Variants in SORBS2 observed in about 807,000 individuals in gnomAD.
The protein encoded by SORBS2 is sorbin and SH3 domain containing 2.
A neutral mutation model predicts 97.7 loss-of-function variants in SORBS2; 46 were observed. The ratio of observed to expected loss-of-function variants is 0.47; its 90% confidence interval spans 0.37 to 0.60. The LOEUF is 0.60. SORBS2 is among the 20% of genes least tolerant of loss of function. The pLI is 0.00. For synonymous variants in SORBS2, 476 were observed against 473.4 expected, an observed-to-expected ratio of 1.01 and a Z score of -0.07; for missense variants, 1,316 against 1,282.3, an observed-to-expected ratio of 1.03 and a Z score of -0.40.
rs1296954767 is a variant in SORBS2 at position 185,670,871 on chromosome 4, C to G, written c.-46+7552G>C. Among the ~76,000 whole-genome samples the G allele has an allele frequency of 5.9e-5, 9 of 152,262 alleles. 1 individual carries two copies. The highest frequency in any genetic ancestry group is 2.9e-5 in the Non-Finnish European group (2 of 68,022). ...GGGGGAGTAACTGGACTATGCTGGGCCAGTGGGGCCCTGCCTCCCTCCTGG... is the reference window on the plus strand; with the variant it reads ...GGGGGAGTAACTGGACTATGCTGGGGCAGTGGGGCCCTGCCTCCCTCCTGG... On this transcript the variant is annotated intron_variant, in intron 4 of 20. Coordinates refer to the SORBS2 transcript ENST00000284776.
At chr4:185,707,267 T>C (rs1290813697) in intron 2 of SORBS2, among the ~76,000 whole-genome samples, 2 of 152,132 alleles carry the variant, frequency 1.3e-5, no homozygotes, top group African/African-American at 4.8e-5. Flanking sequence ...AGCTATTAAG[T>C]AGTGAGTGAA....
exon 15 of SORBS2, chr4:185,587,600 G>A: frequency 6.2e-7 from 1 of 1,607,436 alleles, no homozygotes. Context: ...GCTGGCAGGC[G>A]GCCTCTACAG....
chr4:185,604,196 T>C (rs2096350640), intron 12 of SORBS2, among the ~76,000 whole-genome samples: 1 of 152,250 alleles, frequency 6.6e-6, no homozygotes, highest in Non-Finnish European at 1.5e-5. Flanking sequence ...AATGTTTGGA[T>C]AGAGGCCACG....
chr4:185,843,391 T>A (rs1339595577), intron 1 of SORBS2, among the ~76,000 whole-genome samples: 2 of 151,916 alleles, frequency 1.3e-5, no homozygotes, highest in Non-Finnish European at 2.9e-5. Context: ...ATATATAGAA[T>A]AAAAGAGAAA....
chr4:185,661,012 T>C (rs886422140), upstream of SORBS2, among the ~76,000 whole-genome samples: 16 of 152,170 alleles, frequency 1.1e-4, no homozygotes, highest in African/African-American at 3.9e-4. Flanking sequence ...CGGTGGCTCA[T>C]GCCTGTAATC....
chr4:185,839,869 A>G (rs1483312495), intron 1 of SORBS2, among the ~76,000 whole-genome samples: 2 of 152,212 alleles, frequency 1.3e-5, no homozygotes, highest in Non-Finnish European at 2.9e-5. Flanking sequence ...ATGGAGTCAT[A>G]AACACAGGGC....
chr4:185,745,025 A>G (rs1473810200), intron 2 of SORBS2, among the ~76,000 whole-genome samples: 3 of 152,180 alleles, frequency 2.0e-5, no homozygotes, highest in South Asian at 2.1e-4. Flanking sequence ...GGGTAAAGAA[A>G]ACAGAAGACA....
At chr4:185,668,176 C>T (rs537668831) in intron 4 of SORBS2, among the ~76,000 whole-genome samples, 21 of 152,286 alleles carry the variant, frequency 1.4e-4, no homozygotes, top group African/African-American at 4.1e-4. Flanking sequence ...TGTCCATATC[C>T]TATGACTTGA....
chr4:185,913,447 C>A (rs1389212952), intron 1 of SORBS2, among the ~76,000 whole-genome samples: 1 of 152,158 alleles, frequency 6.6e-6, no homozygotes, highest in African/African-American at 2.4e-5. Context: ...CCAAAGGATT[C>A]GCTGAGTGAT....
intron 1 of SORBS2, among the ~76,000 whole-genome samples, chr4:185,935,178 C>T (rs934223531): frequency 3.3e-5 from 5 of 152,126 alleles, no homozygotes; most frequent in Admixed American, 6.5e-5. Context: ...TAGTAAAACC[C>T]GATCCAAATT....
intron 1 of SORBS2, among the ~76,000 whole-genome samples, chr4:185,784,337 G>A (rs889081077): frequency 2.0e-5 from 3 of 152,052 alleles, no homozygotes; most frequent in Non-Finnish European, 2.9e-5. Context: ...TCACTATGTT[G>A]GCCAGGATGG....
chr4:185,765,400 T>G (rs981457677), intron 2 of SORBS2, among the ~76,000 whole-genome samples: 6 of 152,206 alleles, frequency 3.9e-5, no homozygotes, highest in African/African-American at 1.4e-4. Context: ...TTTAGAATAT[T>G]GATTAGAAAA....
chr4:185,937,382 T>C (rs1164639199), intron 1 of SORBS2, among the ~76,000 whole-genome samples: 4 of 152,336 alleles, frequency 2.6e-5, no homozygotes, highest in African/African-American at 4.8e-5. Context: ...AGAGCTATTG[T>C]TAGGGTGAAA....
intron 1 of SORBS2, among the ~76,000 whole-genome samples, chr4:185,862,668 C>T (rs978462238): frequency 1.3e-5 from 2 of 152,218 alleles, no homozygotes; most frequent in South Asian, 2.1e-4. Flanking sequence ...GTATTTCACA[C>T]ACAATATGCA....
intron 9 of SORBS2, among the ~76,000 whole-genome samples, chr4:185,617,614 G>A (rs1176206453): frequency 1.3e-5 from 2 of 152,030 alleles, no homozygotes; most frequent in Non-Finnish European, 2.9e-5. Context: ...TTCTACTGGA[G>A]AACAAAGTTT....
upstream of SORBS2, among the ~76,000 whole-genome samples, chr4:185,658,445 G>T (rs1194155755): frequency 6.6e-6 from 1 of 151,874 alleles, no homozygotes; most frequent in African/African-American, 2.4e-5. Flanking sequence ...CGTTCCTCTG[G>T]TATGATTAAT....
At chr4:185,701,992 A>T (rs951138602) in intron 2 of SORBS2, among the ~76,000 whole-genome samples, 9 of 152,028 alleles carry the variant, frequency 5.9e-5, no homozygotes, top group African/African-American at 1.9e-4. Context: ...GATGGTCTAG[A>T]TCTCCTGACC....
intron 1 of SORBS2, among the ~76,000 whole-genome samples, chr4:185,927,347 G>A (rs1014594173): frequency 6.7e-4 from 101 of 151,750 alleles, no homozygotes; most frequent in African/African-American, 2.4e-3. Context: ...GTATACACAT[G>A]CCATGGCGGT....
intron 1 of SORBS2, among the ~76,000 whole-genome samples, chr4:185,889,187 C>T (rs9998249): frequency 0.029 from 4,346 of 152,264 alleles, 158 homozygotes; most frequent in African/African-American, 0.089. Context: ...TTGGCGCCTC[C>T]TCTGGAGCCT....
Sources: allele counts gnomAD v4.1 joint callset (sites outside exome capture counted in the v4.1 genomes callset), GRCh38; gene constraint gnomAD v4.1.1; transcripts MANE v1.5; gene names NCBI Gene and HGNC (gene_info 2026-07-23, HGNC 2026-07-21).